The following CCDC102B variants were observed in gnomAD, a reference collection of about 807,000 sequenced individuals.
CCDC102B encodes the protein coiled-coil domain containing 102B, also known as coiled-coil domain-containing protein 102B.
CCDC102B carries 75 observed loss-of-function variants against 57.4 expected under a neutral mutation model. That is an observed-to-expected ratio of 1.31 (90% CI 1.08 to 1.58). The LOEUF (loss-of-function observed/expected upper bound fraction) is 1.58. CCDC102B is among the 40% of genes most tolerant of loss of function. The pLI is 0.00. For missense variants in CCDC102B, 636 were observed against 582.6 expected, an observed-to-expected ratio of 1.09 and a Z score of -0.94; for synonymous variants, 206 against 201.9, an observed-to-expected ratio of 1.02 and a Z score of -0.17.
At chr18:68,990,106 T>C (rs2050826143) in intron 6 of CCDC102B, among the ~76,000 whole-genome samples, 1 of 152,206 alleles carries the variant, frequency 6.6e-6, no homozygotes, top group Non-Finnish European at 1.5e-5. Flanking sequence ...GCACCATCTC[T>C]TTGCTCCATA....
intron 6 of CCDC102B, among the ~76,000 whole-genome samples, chr18:68,934,669 A>T: frequency 6.6e-6 from 1 of 152,040 alleles, no homozygotes; most frequent in East Asian, 1.9e-4. Context: ...TGTAAAAAAA[A>T]GTTCAGTAAT....
At chr18:69,051,631 A>G (rs1599906614) in intron 7 of CCDC102B, among the ~76,000 whole-genome samples, 2 of 152,114 alleles carry the variant, frequency 1.3e-5, no homozygotes, top group South Asian at 4.2e-4. Flanking sequence ...GTAAAACTTT[A>G]TAATGAAAGC....
At position 68,765,045 on chromosome 18, in the gene CCDC102B, T is replaced by TTAAATAAATAAATAAATAAATAAA. The variant is rs60550530; in HGVS notation, c.-67+48459_-67+48482dup. 5.2e-3 allele frequency among the ~76,000 whole-genome samples: 656 copies of TTAAATAAATAAATAAATAAATAAA among 127,136 alleles called. 10 individuals carry two copies. Among genetic ancestry groups the TTAAATAAATAAATAAATAAATAAA allele is most frequent in the African/African-American group, 0.017 (533 of 32,070 alleles). 83.4% of individuals were successfully genotyped at this position (127,136 alleles called of 152,430 possible). A position where few individuals can be genotyped will look rare whatever the true frequency, so the allele number is the denominator to read the frequency against. ...CTGGGTGACAGAGTGAAACCCTCTC[T>TTAAATAAATAAATAAATAAATAAA]TAAATAAATAAATAAATAAATAAAT... On this transcript the variant is annotated intron_variant, in intron 2 of 3. Coordinates refer to the CCDC102B transcript ENST00000578970.
chr18:68,956,627 T>G (rs1293184853), intron 6 of CCDC102B, among the ~76,000 whole-genome samples: 1 of 121,142 alleles, frequency 8.3e-6, no homozygotes, highest in Non-Finnish European at 1.6e-5. Flanking sequence ...ATAATATATA[T>G]ATCGCACCAT....
chr18:68,715,739 G>A (rs1383497918), intron 1 of CCDC102B: 2 of 152,168 alleles, frequency 1.3e-5, no homozygotes, highest in South Asian at 2.1e-4. Context: ...TATTTATATT[G>A]CTACCTGTTT....
At chr18:68,889,038 T>TA (rs1282205498) in intron 5 of CCDC102B, among the ~76,000 whole-genome samples, 1 of 151,640 alleles carries the variant, frequency 6.6e-6, no homozygotes, top group East Asian at 1.9e-4. Context: ...TTGTTTTTTT[T>TA]TTCTTTGTCT....
At chr18:68,953,893 T>C (rs939674239) in intron 6 of CCDC102B, among the ~76,000 whole-genome samples, 2 of 152,078 alleles carry the variant, frequency 1.3e-5, no homozygotes, top group African/African-American at 4.8e-5. Flanking sequence ...TATATCTTTA[T>C]CTTTTGAGTC....
intron 5 of CCDC102B, among the ~76,000 whole-genome samples, chr18:68,888,195 A>G (rs1430345518): frequency 2.0e-5 from 3 of 152,210 alleles, no homozygotes; most frequent in African/African-American, 7.2e-5. Context: ...CCTATGTAAG[A>G]AATGGTATGG....
chr18:68,897,158 G>T, intron 5 of CCDC102B, 61 bp from the exon 6 acceptor site: 1 of 1,273,464 alleles, frequency 7.9e-7, no homozygotes, highest in African/African-American at 1.5e-5. Flanking sequence ...GGTTGTGGGT[G>T]GCATTATCTT....
chr18:68,758,518 C>A (rs1298675833), intron 2 of CCDC102B, among the ~76,000 whole-genome samples: 1 of 151,898 alleles, frequency 6.6e-6, no homozygotes, highest in Non-Finnish European at 1.5e-5. Flanking sequence ...ATCAGTAGGA[C>A]TCACAAAGAG....
intron 3 of CCDC102B, among the ~76,000 whole-genome samples, chr18:68,845,933 A>G (rs2037835612): frequency 2.0e-5 from 3 of 151,774 alleles, no homozygotes; most frequent in Admixed American, 6.6e-5. Context: ...TCATTCACAT[A>G]ATAGCCACAA....
chr18:68,950,244 A>G (rs1235503665), intron 6 of CCDC102B, among the ~76,000 whole-genome samples: 2 of 152,084 alleles, frequency 1.3e-5, no homozygotes, highest in African/African-American at 2.4e-5. Context: ...AGAACTTCCA[A>G]ATGTATAGAT....
At chr18:68,758,195 CAT>C (rs1491058196) in intron 2 of CCDC102B, among the ~76,000 whole-genome samples, 2,557 of 151,238 alleles carry the variant, frequency 0.017, 85 homozygotes, top group Admixed American at 0.085. Context: ...TACATGTAGA[CAT>C]GTGTGTTGTA....
chr18:68,948,833 T>C (rs2049612993), intron 6 of CCDC102B, among the ~76,000 whole-genome samples: 1 of 152,144 alleles, frequency 6.6e-6, no homozygotes, highest in African/African-American at 2.4e-5. Context: ...CTCATATACT[T>C]GTGGTCTACA....
intron 5 of CCDC102B, among the ~76,000 whole-genome samples, chr18:68,884,509 A>C (rs2039806611): frequency 6.6e-6 from 1 of 151,826 alleles, no homozygotes; most frequent in Non-Finnish European, 1.5e-5. Flanking sequence ...GGTCCCAGGG[A>C]CATTGTTGGG....
At chr18:68,916,512 C>A (rs1258555671) in intron 6 of CCDC102B, among the ~76,000 whole-genome samples, 2 of 152,160 alleles carry the variant, frequency 1.3e-5, no homozygotes, top group Non-Finnish European at 2.9e-5. Context: ...TAAATCTAAT[C>A]TGCAGCTCTA....
At chr18:68,965,528 C>T (rs1041827683) in intron 6 of CCDC102B, among the ~76,000 whole-genome samples, 2 of 151,104 alleles carry the variant, frequency 1.3e-5, no homozygotes, top group African/African-American at 4.9e-5. Context: ...CTTTAAAATC[C>T]TTGTCAGACC....
At chr18:68,975,074 A>G (rs957173671) in intron 6 of CCDC102B, among the ~76,000 whole-genome samples, 4 of 152,006 alleles carry the variant, frequency 2.6e-5, no homozygotes, top group African/African-American at 9.7e-5. Flanking sequence ...AAACAAATAG[A>G]TGGAATGTAA....
intron 6 of CCDC102B, among the ~76,000 whole-genome samples, chr18:68,930,678 T>C (rs1410768213): frequency 6.6e-6 from 1 of 151,904 alleles, no homozygotes; most frequent in East Asian, 1.9e-4. Flanking sequence ...AACTGAGAAA[T>C]TGTGTAAATG....
Sources: gnomAD v4.1 joint callset for allele counts (sites outside exome capture counted in the v4.1 genomes callset) on GRCh38, gnomAD v4.1.1 for gene constraint, MANE v1.5 for transcripts, NCBI Gene and HGNC (gene_info 2026-07-23, HGNC 2026-07-21) for gene names.